Variants in MRPL14 observed in about 807,000 individuals in gnomAD.
MRPL14 encodes mitochondrial ribosomal protein L14.
MRPL14 carries 8 observed loss-of-function variants against 10.9 expected under a neutral mutation model. The ratio of observed to expected loss-of-function variants is 0.74; its 90% confidence interval spans 0.43 to 1.33. The LOEUF is 1.33. Ranked by LOEUF, MRPL14 falls within the 40% of genes most tolerant of loss-of-function variation. The probability of loss-of-function intolerance (pLI) is 0.01; values close to 1 mark genes in which losing one functional copy is unlikely to be tolerated. For missense variants in MRPL14, 179 were observed against 194.5 expected (o/e 0.92, Z 0.47); for synonymous variants, 82 against 74.1 (o/e 1.11, Z -0.54).
intron 1 of MRPL14, among the ~76,000 whole-genome samples, chr6:44,126,568 A>T (rs4714750): frequency 0.087 from 13,303 of 152,212 alleles, 839 homozygotes; most frequent in East Asian, 0.25. Context: ...TTTCCCAAGT[A>T]GCCTGAGGTG....
chr6:44,115,274 T>C (rs1482622327), intron 2 of MRPL14, among the ~76,000 whole-genome samples: 1 of 152,116 alleles, frequency 6.6e-6, no homozygotes, highest in African/African-American at 2.4e-5. Context: ...CTCTCTTCTA[T>C]ATTCTAGTTC....
At chr6:44,119,026 C>T (rs1776145901) in intron 1 of MRPL14, among the ~76,000 whole-genome samples, 2 of 152,066 alleles carry the variant, frequency 1.3e-5, no homozygotes, top group African/African-American at 4.8e-5. Context: ...TTATTATTAG[C>T]CTCATTGTTA....
Position 44,116,627 on chromosome 6 carries a change from A to T in MRPL14, c.-16T>A. 6.2e-7 allele frequency: 1 copy of T among 1,613,182 alleles called. No homozygotes were observed. The highest frequency in any genetic ancestry group is 8.5e-7 in the Non-Finnish European group (1 of 1,179,212). On this transcript the variant is annotated splice_region_variant and 5_prime_UTR_variant, in exon 2 of 3. Transcript: ENST00000372014. Reference sequence around the variant, plus strand: ...AGAAAGCCATGGGATCCCAAGATAGATCCTGCAGGAAAAACGAGAGGGGGA... The same window carrying T: ...AGAAAGCCATGGGATCCCAAGATAGTTCCTGCAGGAAAAACGAGAGGGGGA...
chr6:44,113,872 C>A lies in MRPL14; in HGVS notation c.409G>T (p.Val137Leu). 1.3e-6 allele frequency: 2 copies of A among 1,588,760 alleles called. No individual in the cohort carries two copies. Among genetic ancestry groups the A allele is most frequent in the South Asian group, 2.3e-5 (2 of 88,068 alleles). The change falls in exon 3 of 3, where the codon GTG becomes TTG. Residue 137 changes from valine (V) to leucine (L), a missense_variant. Transcript: ENST00000372014. ...LRKREGEYSKVLAIAQNFV is the reference protein window; with the variant it reads ...LRKREGEYSKLLAIAQNFV ...ACAAAGTTCTGAGCAATGGCCAGCA[C>A]CTTGGAATACTCGCCTTCCCGCTTG...
intron 2 of MRPL14, among the ~76,000 whole-genome samples, chr6:44,116,282 AGT>A (rs1441754531): frequency 6.6e-6 from 1 of 152,236 alleles, no homozygotes; most frequent in African/African-American, 2.4e-5. Context: ...TCACTGTAAG[AGT>A]CTTGCAAGGA....
At chr6:44,114,292 A>T (rs2128191686) in intron 2 of MRPL14, 83 bp from the exon 3 acceptor site, 1 of 1,472,700 alleles carries the variant, frequency 6.8e-7, no homozygotes, top group Non-Finnish European at 9.1e-7. Context: ...AAGGCTAGGG[A>T]GAATGTACAT....
At chr6:44,120,306 T>G (rs567529842) in intron 1 of MRPL14, among the ~76,000 whole-genome samples, 1 of 152,334 alleles carries the variant, frequency 6.6e-6, no homozygotes, top group Admixed American at 6.5e-5. Context: ...TTGAGATAAG[T>G]CTGATGTCCT....
chr6:44,117,443 G>A (rs970196756), intron 1 of MRPL14, among the ~76,000 whole-genome samples: 1 of 152,174 alleles, frequency 6.6e-6, no homozygotes, highest in African/African-American at 2.4e-5. Flanking sequence ...CTTCAGAAAG[G>A]CCTGTAGCCA....
intron 1 of MRPL14, among the ~76,000 whole-genome samples, chr6:44,125,014 G>C (rs1562102231): frequency 6.6e-6 from 1 of 152,198 alleles, no homozygotes; most frequent in Non-Finnish European, 1.5e-5. Flanking sequence ...CTGAAGACTA[G>C]GAGCTAAGAA....
At chr6:44,118,236 T>C (rs1460723196) in intron 1 of MRPL14, among the ~76,000 whole-genome samples, 1 of 152,160 alleles carries the variant, frequency 6.6e-6, no homozygotes, top group Non-Finnish European at 1.5e-5. Flanking sequence ...CTGTTGAGCT[T>C]TGGTTTACCA....
intron 1 of MRPL14, among the ~76,000 whole-genome samples, chr6:44,119,464 G>T (rs188109341): frequency 6.6e-6 from 1 of 151,786 alleles, no homozygotes. Flanking sequence ...TGAGGCAAAG[G>T]TTGCAGTGAG....
intron 1 of MRPL14, among the ~76,000 whole-genome samples, chr6:44,120,145 G>C (rs1009670439): frequency 2.6e-5 from 4 of 152,108 alleles, no homozygotes; most frequent in Non-Finnish European, 5.9e-5. Context: ...ATGTGACCCA[G>C]CTCCACAAGC....
chr6:44,123,077 G>T (rs141972045), intron 1 of MRPL14, among the ~76,000 whole-genome samples: 54 of 152,314 alleles, frequency 3.5e-4, no homozygotes, highest in Middle Eastern at 3.4e-3. Flanking sequence ...CTTTCACACA[G>T]ATCACTTTCT....
In MRPL14 at chr6:44,113,897, G is replaced by A. The variant is rs771824104; in HGVS notation, c.384C>T (p.Arg128=). The change falls in exon 3 of 3, where the codon CGC becomes CGT. Residue 128 remains arginine, a synonymous_variant. Transcript: ENST00000372014. ...CCTTGGAATACTCGCCTTCCCGCTTGCGCAGGCTGGTGGGGATGGGTGTCT... is the reference window on the plus strand; with the variant it reads ...CCTTGGAATACTCGCCTTCCCGCTTACGCAGGCTGGTGGGGATGGGTGTCT... The part of the protein sequence containing the change: ...RIKTPIPTSL[R]KREGEYSKVL... 6.2e-7 allele frequency: 1 copy of A among 1,602,156 alleles called. No individual in the cohort carries two copies. Among genetic ancestry groups the A allele is most frequent in the Non-Finnish European group, 8.5e-7 (1 of 1,170,838 alleles).
Position 44,114,204 on chromosome 6 carries a change from G to A in MRPL14, c.77C>T (p.Thr26Ile). Residue 26 changes from threonine (T) to isoleucine (I), a missense_variant, in exon 3 of 3, where the codon ACT becomes ATT. Thr to Ile is a moderately conservative substitution (Grantham distance 89). Coordinates refer to ENST00000372014, the MANE Select transcript of MRPL14 (RefSeq NM_032111.4). ...RVLSHHCFST[T>I]GSLSAIQKMT... Reference sequence around the variant, plus strand: ...CTTCTGAATCGCACTCAGACTCCCAGTGGTGCTGGTGGGAGGAAAAAAAAA... The same window carrying A: ...CTTCTGAATCGCACTCAGACTCCCAATGGTGCTGGTGGGAGGAAAAAAAAA... The A allele has an allele frequency of 6.2e-7, 1 of 1,603,294 alleles. No homozygotes were observed. Among genetic ancestry groups the A allele is most frequent in the Middle Eastern group, 1.7e-4 (1 of 5,830 alleles).
intron 1 of MRPL14, among the ~76,000 whole-genome samples, chr6:44,117,667 T>G (rs935511758): frequency 7.9e-5 from 12 of 151,814 alleles, no homozygotes; most frequent in African/African-American, 2.9e-4. Flanking sequence ...CACTCCATAC[T>G]TTTTTTTCTT....
At chr6:44,117,934 G>A (rs1439417394) in intron 1 of MRPL14, among the ~76,000 whole-genome samples, 2 of 126,600 alleles carry the variant, frequency 1.6e-5, no homozygotes, top group African/African-American at 3.0e-5. Flanking sequence ...CAATCCTCCC[G>A]CCTCAGCCCC....
intron 1 of MRPL14, among the ~76,000 whole-genome samples, chr6:44,118,562 A>G (rs1371928345): frequency 1.3e-5 from 2 of 152,196 alleles, no homozygotes; most frequent in Non-Finnish European, 2.9e-5. Context: ...CTGGGTGTCA[A>G]GCAGCTTTAA....
At chr6:44,121,391 G>GA (rs1274620364) in intron 1 of MRPL14, among the ~76,000 whole-genome samples, 1 of 149,848 alleles carries the variant, frequency 6.7e-6, no homozygotes, top group African/African-American at 2.4e-5. Flanking sequence ...GGAAGGAAAA[G>GA]AAAAAACAAA....
Sources: allele counts gnomAD v4.1 joint callset (sites outside exome capture counted in the v4.1 genomes callset), GRCh38; gene constraint gnomAD v4.1.1; transcripts MANE v1.5; gene names NCBI Gene and HGNC (gene_info 2026-07-23, HGNC 2026-07-21).